Variants in MLXIP observed in about 807,000 individuals in gnomAD.
The protein encoded by MLXIP is MLX interacting protein.
A neutral mutation model predicts 87.2 loss-of-function variants in MLXIP; 30 were observed. The observed-to-expected ratio is 0.34, with a 90% CI of 0.26 to 0.47. The LOEUF (loss-of-function observed/expected upper bound fraction) is 0.47. Among genes scored for constraint, MLXIP ranks in the 20% least tolerant of loss-of-function variants. The probability of loss-of-function intolerance (pLI) is 1.00; values close to 1 mark genes in which losing one functional copy is unlikely to be tolerated. For synonymous variants in MLXIP, 530 were observed against 514.0 expected (o/e 1.03, Z -0.42); for missense variants, 1,002 against 1,240.1 (o/e 0.81, Z 2.88).
rs548278794 is a variant in MLXIP, at chr12:122,135,684, G to T, written c.2032+18G>T. ...AGGGCCCAGTGAGTGTTCACTCGGCGGGATGGTTGGGGCATCGCAAGGGAA... is the reference window on the plus strand; with the variant it reads ...AGGGCCCAGTGAGTGTTCACTCGGCTGGATGGTTGGGGCATCGCAAGGGAA... On this transcript the variant is annotated intron_variant, in intron 11 of 16. Coordinates refer to ENST00000319080, the MANE Select transcript of MLXIP (RefSeq NM_014938.6). The surrounding 1 kb of genome is among the most constrained non-coding windows in gnomAD (Gnocchi z 5.3). The T allele has an allele frequency of 7.5e-6, 11 of 1,468,168 alleles. No individual in the cohort carries two copies. The African/African-American group carries it at 1.4e-4, about 19-fold the overall frequency. The allele number at this position is 1,468,168 out of a possible 1,614,324, so 90.9% of individuals were successfully genotyped here.
chr12:122,126,136 C>G (rs1174497833), intron 1 of MLXIP, among the ~76,000 whole-genome samples: 2 of 152,182 alleles, frequency 1.3e-5, no homozygotes, highest in Non-Finnish European at 2.9e-5. Flanking sequence ...TGCGGGCTGC[C>G]CAGAGATGGC....
At chr12:122,138,341 A>T in intron 13 of MLXIP, 46 bp downstream of exon 13, 1 of 1,611,916 alleles carries the variant, frequency 6.2e-7, no homozygotes, top group South Asian at 1.1e-5. Context: ...GGGAGCTGGC[A>T]GGACGTGCTC....
intron 1 of MLXIP, among the ~76,000 whole-genome samples, chr12:122,094,179 T>A (rs1952303335): frequency 2.1e-5 from 2 of 96,728 alleles, no homozygotes; most frequent in African/African-American, 8.5e-5. Flanking sequence ...GTGTGTGGTG[T>A]TGGTGTGTGT....
chr12:122,095,288 T>TTG (rs1219435301), intron 1 of MLXIP, among the ~76,000 whole-genome samples: 3 of 150,382 alleles, frequency 2.0e-5, no homozygotes, highest in Non-Finnish European at 4.4e-5. Context: ...GTGTGGTATG[T>TTG]TGTGTGTGTG....
At chr12:122,119,869 A>G (rs529351166) in intron 1 of MLXIP, among the ~76,000 whole-genome samples, 14 of 152,314 alleles carry the variant, frequency 9.2e-5, no homozygotes, top group Non-Finnish European at 1.8e-4. Context: ...GTGCAGTTAC[A>G]GTGTTGATGG....
chr12:122,095,178 TGTG>T (rs1431401338), intron 1 of MLXIP, among the ~76,000 whole-genome samples: 6 of 143,434 alleles, frequency 4.2e-5, no homozygotes, highest in Non-Finnish European at 7.7e-5. Flanking sequence ...GTGAGTGCGG[TGTG>T]GTGGTGTGTG....
At chr12:122,139,712 A>T (rs1198114345) in intron 15 of MLXIP, among the ~76,000 whole-genome samples, 3 of 152,170 alleles carry the variant, frequency 2.0e-5, no homozygotes, top group Non-Finnish European at 4.4e-5. Context: ...TCACTCTGTC[A>T]CCCAGGCTGG....
chr12:122,089,009 C>CAAAAAAAAAA (rs1177216284), intron 1 of MLXIP, among the ~76,000 whole-genome samples: 3 of 47,838 alleles, frequency 6.3e-5, no homozygotes, highest in African/African-American at 1.2e-4. Flanking sequence ...CCCATCTCTA[C>CAAAAAAAAAA]AAAAAAAAAA....
chr12:122,095,028 G>A (rs1424805382), intron 1 of MLXIP, among the ~76,000 whole-genome samples: 1 of 147,040 alleles, frequency 6.8e-6, no homozygotes, highest in Non-Finnish European at 1.5e-5. Flanking sequence ...GGTGTGTTGT[G>A]TGTGTGGGGT....
In MLXIP at chr12:122,133,613, TTCC is replaced by T. The variant is rs969388992; in HGVS notation, c.1366_1368del (p.Pro456del). 2.4e-5 allele frequency: 38 copies of T among 1,609,772 alleles called. No homozygotes were observed. Among genetic ancestry groups the T allele is most frequent in the Non-Finnish European group, 3.2e-5 (38 of 1,178,614 alleles). On this transcript the variant is annotated inframe_deletion, in exon 9 of 17. Coordinates refer to ENST00000319080, the MANE Select transcript of MLXIP (RefSeq NM_014938.6). The surrounding 1 kb of genome is among the most constrained non-coding windows in gnomAD (Gnocchi z 4.9). ...CCCATCTCCCCCGTGTTACCATTAG[TTCC>T]TCCTCCTGCCACTGCCCTGAACCCC...
In MLXIP at chr12:122,141,218, A is replaced by G. The variant is rs550544846; in HGVS notation, c.2638+135A>G. On this transcript the variant is annotated intron_variant, in intron 16 of 16. Transcript: ENST00000319080. ...CCGGGGCAGGGGCACAGTGCTGTCCAGGAGGTCCTCAGTCAGGAGCGCCCA... is the reference window on the plus strand; with the variant it reads ...CCGGGGCAGGGGCACAGTGCTGTCCGGGAGGTCCTCAGTCAGGAGCGCCCA... 15 of 1,316,588 alleles carry G rather than the reference A, an allele frequency of 1.1e-5. No homozygotes were observed. In the African/African-American group the frequency reaches 2.2e-4, roughly 19 times the overall value. The allele number at this position is 1,316,588 out of a possible 1,614,324, so 81.6% of individuals were successfully genotyped here. A position where few individuals can be genotyped will look rare whatever the true frequency, so the allele number is the denominator to read the frequency against.
At chr12:122,094,498 CTG>C (rs1211543507) in intron 1 of MLXIP, among the ~76,000 whole-genome samples, 65,793 of 122,528 alleles carry the variant, frequency 0.54, 16,326 homozygotes, top group Admixed American at 0.58. Context: ...TTTGCAATGT[CTG>C]TGTGTGTGGT....
chr12:122,094,076 T>C (rs1184292866), intron 1 of MLXIP, among the ~76,000 whole-genome samples: 1 of 141,884 alleles, frequency 7.0e-6, no homozygotes, highest in East Asian at 2.2e-4. Flanking sequence ...GTGTCTGGTG[T>C]GGTGTGTTGG....
intron 1 of MLXIP, among the ~76,000 whole-genome samples, chr12:122,122,672 G>C (rs1952802530): frequency 6.6e-6 from 1 of 151,870 alleles, no homozygotes; most frequent in Non-Finnish European, 1.5e-5. Flanking sequence ...CTCCCAAGTA[G>C]CTGGGAGTAC....
At chr12:122,116,851 A>G (rs1952700047) in intron 1 of MLXIP, among the ~76,000 whole-genome samples, 1 of 152,190 alleles carries the variant, frequency 6.6e-6, no homozygotes, top group African/African-American at 2.4e-5. Context: ...AGCCTGGGTG[A>G]CGAGGCCAGA....
At chr12:122,084,966 T>G (rs914917866) in intron 1 of MLXIP, among the ~76,000 whole-genome samples, 10 of 152,182 alleles carry the variant, frequency 6.6e-5, no homozygotes, top group Admixed American at 5.9e-4. Flanking sequence ...CAGACGTTAA[T>G]TAGCTGTGTT....
At position 122,138,511 on chromosome 12, in the gene MLXIP, C is replaced by T. The variant is rs1244974752; in HGVS notation, c.2344C>T (p.Arg782Trp). ...AGGCCAGATGCAGGAGGAGGCCCGGCGGCTGCGGGAGGAGATCGAGGAGCT... is the reference window on the plus strand; with the variant it reads ...AGGCCAGATGCAGGAGGAGGCCCGGTGGCTGCGGGAGGAGATCGAGGAGCT... Reference protein sequence around the residue: ...ERGQMQEEARRLREEIEELNA... With the variant: ...ERGQMQEEARWLREEIEELNA... The change falls in exon 14 of 17, where the codon CGG becomes TGG. Residue 782 changes from arginine to tryptophan, a missense_variant. Physicochemically the swap from Arg to Trp is moderately radical, Grantham distance 101. This residue lies in a region of MLXIP where 746 missense variants were observed against 897.0 expected (regional missense o/e 0.83). Transcript: ENST00000319080. 12 of 1,613,598 alleles carry T rather than the reference C, an allele frequency of 7.4e-6. No homozygotes were observed. Among genetic ancestry groups the T allele is most frequent in the Admixed American group, 3.3e-5 (2 of 59,952 alleles).
At chr12:122,103,840 GTT>G (rs377424471) in intron 1 of MLXIP, among the ~76,000 whole-genome samples, 17 of 142,854 alleles carry the variant, frequency 1.2e-4, no homozygotes, top group East Asian at 6.1e-4. Flanking sequence ...AATTTTGTTT[GTT>G]TTTTTTTTTT....
chr12:122,103,698 T>A (rs922762161), intron 1 of MLXIP, among the ~76,000 whole-genome samples: 3 of 150,974 alleles, frequency 2.0e-5, no homozygotes, highest in African/African-American at 7.3e-5. Flanking sequence ...TTTTGTATTT[T>A]TTTTTTTTTT....
Sources: gnomAD v4.1 joint callset for allele counts (sites outside exome capture counted in the v4.1 genomes callset) on GRCh38, gnomAD v4.1.1 for gene constraint, gnomAD v4.1.1 regional missense constraint, Gnocchi (gnomAD v3.1) non-coding constraint, MANE v1.5 for transcripts, NCBI Gene and HGNC (gene_info 2026-07-23, HGNC 2026-07-21) for gene names.